Variants in NBL1 observed in about 807,000 individuals in gnomAD.
The protein encoded by NBL1 is NBL1, DAN family BMP antagonist.
In NBL1, 9 loss-of-function variants were observed where a neutral mutation model predicts 16.0. The ratio of observed to expected loss-of-function variants is 0.56; its 90% CI spans 0.34 to 0.98. NBL1 has a LOEUF of 0.98. Among genes scored for constraint, NBL1 ranks in the 50% least tolerant of loss-of-function variants. The pLI is 0.02. For synonymous variants in NBL1, 86 were observed against 100.7 expected (o/e 0.85, Z 0.87); for missense variants, 196 against 243.1 (o/e 0.81, Z 1.29).
Position 19,657,372 on chromosome 1 carries a change from G to GGA in NBL1, c.*244_*245insAG, listed in dbSNP as rs940318502. On this transcript the variant is annotated 3_prime_UTR_variant, in exon 4 of 4. Coordinates refer to ENST00000375136, the MANE Select transcript of NBL1 (RefSeq NM_005380.8). ...AGAGGTCTTCAGGGCTCTTTTTTTGGGGGGGGTGGTCTCTTCCTGTCTGGC... is the reference window on the plus strand; with the variant it reads ...AGAGGTCTTCAGGGCTCTTTTTTTGGGAGGGGGGTGGTCTCTTCCTGTCTGGC... 1 of 262,760 alleles carries GGA rather than the reference G, an allele frequency of 3.8e-6. No homozygotes were observed. Among genetic ancestry groups the GGA allele is most frequent in the African/African-American group, 2.3e-5 (1 of 44,422 alleles). 16.3% of individuals were successfully genotyped at this position (262,760 alleles called of 1,614,324 possible). A position where few individuals can be genotyped will look rare whatever the true frequency, so the allele number is the denominator to read the frequency against.
upstream of NBL1, chr1:19,644,234 C>G: frequency 2.0e-6 from 2 of 977,982 alleles, no homozygotes; most frequent in Non-Finnish European, 2.4e-6. This position sits in a 1 kb window ranked among gnomAD's most constrained non-coding sequence, Gnocchi z 4.6. Flanking sequence ...CCCGCTGCCC[C>G]CGCCCTCGCG....
At chr1:19,656,818 C>T (rs772214809) in intron 3 of NBL1, 48 bp from the exon 4 acceptor site, 21 of 1,565,150 alleles carry the variant, frequency 1.3e-5, no homozygotes, top group Non-Finnish European at 1.8e-5. Context: ...GCCTTGCCTG[C>T]CCCAGACCTT....
chr1:19,656,756 C>G (rs920745057), intron 3 of NBL1, 110 bp from the exon 4 acceptor site: 78 of 1,442,016 alleles, frequency 5.4e-5, no homozygotes, highest in Non-Finnish European at 7.0e-5. Flanking sequence ...CTGGGCATCA[C>G]AGGTGGGCTC....
intron 1 of NBL1, among the ~76,000 whole-genome samples, chr1:19,647,305 A>T (rs1048370161): frequency 1.3e-5 from 2 of 152,170 alleles, no homozygotes. Context: ...GTATGCCTGT[A>T]CCACCAGCTA....
chr1:19,645,553 C>T (rs927057801), intron 1 of NBL1: 6 of 1,012,580 alleles, frequency 5.9e-6, no homozygotes, highest in African/African-American at 1.7e-5. Context: ...GGCCAAAGAC[C>T]GGGCGCTGGC....
chr1:19,652,526 C>T (rs2095032302), intron 1 of NBL1, among the ~76,000 whole-genome samples: 1 of 152,094 alleles, frequency 6.6e-6, no homozygotes, highest in Admixed American at 6.5e-5. Context: ...GGGAGTGGGG[C>T]TTATCCCGGC....
chr1:19,649,135 G>T (rs2095005704), intron 1 of NBL1, among the ~76,000 whole-genome samples: 1 of 151,996 alleles, frequency 6.6e-6, no homozygotes, highest in South Asian at 2.1e-4. Context: ...GTAGCTGGGG[G>T]TTAACCTGCT....
chr1:19,656,599 G>C (rs74652341), intron 3 of NBL1, among the ~76,000 whole-genome samples: 1 of 151,956 alleles, frequency 6.6e-6, no homozygotes, highest in African/African-American at 2.4e-5. Context: ...GATCGCGGCG[G>C]TGGGGGCGAT....
At chr1:19,654,445 A>T (rs1460673683) in intron 1 of NBL1, among the ~76,000 whole-genome samples, 1 of 152,228 alleles carries the variant, frequency 6.6e-6, no homozygotes, top group African/African-American at 2.4e-5. Flanking sequence ...GTGAAGGTTA[A>T]GGCTAACTTT....
upstream of NBL1, chr1:19,644,167 G>A: frequency 2.0e-6 from 2 of 980,320 alleles, no homozygotes. The surrounding 1 kb of genome is among the most constrained non-coding windows in gnomAD (Gnocchi z 4.6). Flanking sequence ...GCCCCCTCCT[G>A]CGCACCCGGA....
chr1:19,650,963 T>A lies in NBL1; in HGVS notation c.-19-4049T>A, dbSNP rs1027033322. Among the ~76,000 whole-genome samples, 128 of 152,254 alleles carry A rather than the reference T, an allele frequency of 8.4e-4. 1 individual carries two copies. The highest frequency in any genetic ancestry group is 3.1e-3 in the African/African-American group (127 of 41,558). ...CATCTGGCATCCTCGCTGCCTCCTGTTCCAGCCCAGCCTTGGCTCTGATGC... is the reference window on the plus strand; with the variant it reads ...CATCTGGCATCCTCGCTGCCTCCTGATCCAGCCCAGCCTTGGCTCTGATGC... On this transcript the variant is annotated intron_variant, in intron 1 of 3. Coordinates refer to ENST00000375136, the MANE Select transcript of NBL1 (RefSeq NM_005380.8).
Position 19,657,091 on chromosome 1 carries a change from G to A in NBL1, c.508G>A (p.Gly170Arg). 1 of 1,503,706 alleles carries A rather than the reference G, an allele frequency of 6.7e-7. No individual in the cohort carries two copies. The highest frequency in any genetic ancestry group is 8.9e-7 in the Non-Finnish European group (1 of 1,119,608). The allele number at this position is 1,503,706 out of a possible 1,614,324, so 93.1% of individuals were successfully genotyped here. A position where few individuals can be genotyped will look rare whatever the true frequency, so the allele number is the denominator to read the frequency against. The change falls in exon 4 of 4, where the codon GGG becomes AGG. Residue 170 changes from glycine to arginine, a missense_variant. Physicochemically the swap from Gly to Arg is moderately radical, Grantham distance 125 (BLOSUM62 -2). Coordinates refer to ENST00000375136, the MANE Select transcript of NBL1 (RefSeq NM_005380.8). ...GACCCCTGAGCCCGAGGACCCCCCT[G>A]GGGCCCCCCACACAGAGGAAGAGGG... is the stretch of plus-strand genomic sequence containing the variant. The part of the protein sequence containing the change: ...GQTPEPEDPP[G>R]APHTEEEGAE...
upstream of NBL1, chr1:19,644,161 C>G (rs1374831983): frequency 5.1e-6 from 5 of 980,256 alleles, no homozygotes; most frequent in South Asian, 2.4e-4. The surrounding 1 kb of genome is among the most constrained non-coding windows in gnomAD (Gnocchi z 4.6). Flanking sequence ...CGCGGCGCCC[C>G]CTCCTGCGCA....
chr1:19,652,597 G>C (rs780195207), intron 1 of NBL1, among the ~76,000 whole-genome samples: 1 of 152,136 alleles, frequency 6.6e-6, no homozygotes, highest in South Asian at 2.1e-4. Flanking sequence ...GAACTTGCTG[G>C]ATGGGGAGCG....
intron 1 of NBL1, chr1:19,646,055 G>A (rs958539929): frequency 6.4e-7 from 1 of 1,550,586 alleles, no homozygotes; most frequent in Non-Finnish European, 8.7e-7. Context: ...CGTGGCCTGG[G>A]TTTGGGGGCT....
rs113565150 is a variant in NBL1, at chr1:19,650,737, TA to T, written c.-19-4263del. Among the ~76,000 whole-genome samples the T allele has an allele frequency of 4.4e-3, 615 of 138,864 alleles. 5 individuals carry two copies. Among genetic ancestry groups the T allele is most frequent in the African/African-American group, 0.012 (470 of 37,946 alleles). 91.1% of individuals were successfully genotyped at this position (138,864 alleles called of 152,430 possible). ...CAGGAAGGAAAGTACGATCGCTGCT[TA>T]AAAAAAAAAAATAGATTAGTTGCTG... is the stretch of plus-strand genomic sequence containing the variant. On this transcript the variant is annotated intron_variant, in intron 1 of 3. Transcript: ENST00000375136.
chr1:19,646,011 G>C lies in NBL1; in HGVS notation c.-20+1565G>C, dbSNP rs533995290. The C allele has an allele frequency of 2.3e-4, 349 of 1,550,466 alleles. 1 individual carries two copies. The African/African-American group carries it at 4.2e-3, about 19-fold the overall frequency. ...GGATTTGTTTTGGAGACTGTTTTTCGTTTGCGGGCAGGAGGGTCTGCGGTA... is the reference window on the plus strand; with the variant it reads ...GGATTTGTTTTGGAGACTGTTTTTCCTTTGCGGGCAGGAGGGTCTGCGGTA... On this transcript the variant is annotated intron_variant, in intron 1 of 3. Coordinates refer to ENST00000375136, the MANE Select transcript of NBL1 (RefSeq NM_005380.8).
intron 1 of NBL1, among the ~76,000 whole-genome samples, chr1:19,647,398 C>T (rs916549013): frequency 2.0e-5 from 3 of 152,232 alleles, no homozygotes; most frequent in South Asian, 2.1e-4. Context: ...CGCGCTCCAG[C>T]CTGGGTAACA....
At chr1:19,656,401 A>AG (rs1351856752) in intron 3 of NBL1, among the ~76,000 whole-genome samples, 1 of 25,320 alleles carries the variant, frequency 3.9e-5, no homozygotes, top group African/African-American at 1.7e-4. Flanking sequence ...CGGCGGGGAT[A>AG]GGGGGGTGGG....
Sources: gnomAD v4.1 joint callset for allele counts (sites outside exome capture counted in the v4.1 genomes callset) on GRCh38, gnomAD v4.1.1 for gene constraint, Gnocchi (gnomAD v3.1) non-coding constraint, MANE v1.5 for transcripts, NCBI Gene and HGNC (gene_info 2026-07-23, HGNC 2026-07-21) for gene names.